DMXL1: variants seen among roughly 807,000 people sequenced by gnomAD.
DMXL1 encodes the protein Dmx like 1.
DMXL1 carries 99 observed loss-of-function variants against 319.2 expected under a neutral mutation model. The observed-to-expected ratio is 0.31, with a 90% CI of 0.26 to 0.37. The LOEUF is 0.37. DMXL1 is among the 10% of genes least tolerant of loss of function. The pLI is 1.00. For missense variants in DMXL1, 3,745 were observed against 3,595.6 expected, an observed-to-expected ratio of 1.04 and a Z score of -1.06; for synonymous variants, 1,385 against 1,235.2, an observed-to-expected ratio of 1.12 and a Z score of -2.54.
chr5:119,151,305 G>A (rs1214844605), intron 18 of DMXL1, among the ~76,000 whole-genome samples: 1 of 151,954 alleles, frequency 6.6e-6, no homozygotes, highest in African/African-American at 2.4e-5. Context: ...AACAAATTGA[G>A]CCTTGTAGAC....
chr5:119,105,053 ACTG>A, intron 3 of DMXL1, 124 bp from the exon 4 acceptor site: 1 of 634,612 alleles, frequency 1.6e-6, no homozygotes, highest in East Asian at 2.8e-5. Flanking sequence ...TGTTGACTGA[ACTG>A]AACATTTTGT....
chr5:119,235,613 A>G (rs1376110708), intron 39 of DMXL1, among the ~76,000 whole-genome samples: 1 of 152,166 alleles, frequency 6.6e-6, no homozygotes, highest in Non-Finnish European at 1.5e-5. Flanking sequence ...AGGGCCTACC[A>G]AGTATTGAGA....
intron 9 of DMXL1, 59 bp from the exon 10 acceptor site, chr5:119,129,152 T>C: frequency 9.9e-7 from 1 of 1,008,686 alleles, no homozygotes; most frequent in South Asian, 1.6e-5. Context: ...ATATGAAACA[T>C]GGATGTTTCA....
chr5:119,215,625 C>T (rs1391576951), intron 34 of DMXL1, among the ~76,000 whole-genome samples: 2 of 152,156 alleles, frequency 1.3e-5, no homozygotes, highest in Non-Finnish European at 2.9e-5. Flanking sequence ...AGCCACCACA[C>T]CTGACCTTAG....
chr5:119,122,103 C>A (rs1225098732), intron 9 of DMXL1, among the ~76,000 whole-genome samples: 7 of 141,728 alleles, frequency 4.9e-5, no homozygotes, highest in African/African-American at 1.8e-4. Context: ...CCCCCCACCT[C>A]CCTCCCGGAC....
At chr5:119,210,956 C>A (rs1263729243) in intron 34 of DMXL1, among the ~76,000 whole-genome samples, 9 of 147,578 alleles carry the variant, frequency 6.1e-5, no homozygotes, top group Admixed American at 6.7e-5. Flanking sequence ...TGCATTCCTA[C>A]TTTGTTAAGA....
intron 2 of DMXL1, among the ~76,000 whole-genome samples, chr5:119,099,118 T>C (rs146490026): frequency 5.9e-5 from 9 of 152,322 alleles, no homozygotes; most frequent in East Asian, 1.9e-4. Flanking sequence ...AGGCCTCTTA[T>C]GACTTCTCGC....
intron 28 of DMXL1, among the ~76,000 whole-genome samples, chr5:119,189,303 C>T (rs181356575): frequency 6.6e-6 from 1 of 152,036 alleles, no homozygotes; most frequent in East Asian, 1.9e-4. Context: ...ACATCATTAC[C>T]GAAGAATCTC....
intron 33 of DMXL1, among the ~76,000 whole-genome samples, chr5:119,203,972 G>A (rs1001294234): frequency 1.3e-5 from 2 of 151,772 alleles, no homozygotes; most frequent in Non-Finnish European, 2.9e-5. Flanking sequence ...ACAGGTGCCC[G>A]CCACCACGCC....
At chr5:119,099,886 A>G (rs922916994) in intron 2 of DMXL1, among the ~76,000 whole-genome samples, 23 of 152,132 alleles carry the variant, frequency 1.5e-4, no homozygotes, top group African/African-American at 5.6e-4. Context: ...CTGTAGTCCT[A>G]GCTACCCGGG....
At chr5:119,118,615 T>C (rs1330119854) in intron 7 of DMXL1, among the ~76,000 whole-genome samples, 200 bp from the exon 8 acceptor site, 1 of 152,152 alleles carries the variant, frequency 6.6e-6, no homozygotes, top group Non-Finnish European at 1.5e-5. Flanking sequence ...TTGGCAACAT[T>C]ATTGAAACAA....
intron 1 of DMXL1, among the ~76,000 whole-genome samples, chr5:119,082,214 C>T (rs1193915258): frequency 6.6e-6 from 1 of 152,060 alleles, no homozygotes; most frequent in African/African-American, 2.4e-5. Context: ...TGAGTTTAAA[C>T]AGTCATGCTA....
At position 119,247,284 on chromosome 5, in the gene DMXL1, G is replaced by A; in HGVS notation, c.*65G>A. 9.0e-7 allele frequency: 1 copy of A among 1,106,516 alleles called. No homozygotes were observed. The highest frequency in any genetic ancestry group is 1.3e-6 in the Non-Finnish European group (1 of 768,858). 68.5% of individuals were successfully genotyped at this position (1,106,516 alleles called of 1,614,324 possible). On this transcript the variant is annotated 3_prime_UTR_variant, in exon 44 of 44. Coordinates refer to ENST00000539542, the MANE Select transcript of DMXL1 (RefSeq NM_001290321.3). ...AAGTGGCCAACAGATATAATATACAGTGATCATTCTCTATGCCACAAATTA... is the reference window on the plus strand; with the variant it reads ...AAGTGGCCAACAGATATAATATACAATGATCATTCTCTATGCCACAAATTA...
intron 32 of DMXL1, among the ~76,000 whole-genome samples, chr5:119,202,961 G>A (rs1781095494): frequency 6.8e-6 from 1 of 146,026 alleles, no homozygotes; most frequent in African/African-American, 2.5e-5. Flanking sequence ...CATATAAGAT[G>A]TATATGAAAC....
chr5:119,170,828 G>A lies in DMXL1; in HGVS notation c.6037G>A (p.Glu2013Lys), dbSNP rs769167580. 1 of 1,611,710 alleles carries A rather than the reference G, an allele frequency of 6.2e-7. No individual in the cohort carries two copies. Among genetic ancestry groups the A allele is most frequent in the Admixed American group, 1.7e-5 (1 of 59,602 alleles). The change falls in exon 24 of 44, where the codon GAA becomes AAA. Residue 2013 changes from glutamate (E) to lysine (K), a missense_variant. Glu to Lys is a moderately conservative substitution (Grantham distance 56). This residue lies in a region of DMXL1 where 1,382 missense variants were observed against 1,269.5 expected (regional missense o/e 1.09). Transcript: ENST00000539542. ...CACAGAATCTTTCAGCACACTAGAT[G>A]AAAATGACCTTTTAAATCCATCAGA... ...NYTESFSTLD[E>K]NDLLNPSEDI...
intron 4 of DMXL1, among the ~76,000 whole-genome samples, chr5:119,106,366 C>T (rs533051519): frequency 1.1e-4 from 17 of 152,074 alleles, no homozygotes; most frequent in Non-Finnish European, 2.4e-4. Context: ...AAAGATATGG[C>T]AAAGTCATAT....
intron 1 of DMXL1, among the ~76,000 whole-genome samples, chr5:119,089,894 G>A (rs1322539609): frequency 6.6e-6 from 1 of 151,302 alleles, no homozygotes; most frequent in Non-Finnish European, 1.5e-5. Context: ...CCGAAGTGCT[G>A]GGATTACAGA....
chr5:119,135,566 G>C (rs1358699076), intron 13 of DMXL1, among the ~76,000 whole-genome samples: 1 of 152,158 alleles, frequency 6.6e-6, no homozygotes, highest in Non-Finnish European at 1.5e-5. Flanking sequence ...ATCTCATCTT[G>C]AATTATACTT....
chr5:119,175,155 C>T (rs1349129183), intron 25 of DMXL1, 106 bp from the exon 26 acceptor site: 1 of 719,416 alleles, frequency 1.4e-6, no homozygotes, highest in African/African-American at 1.8e-5. Context: ...GGCAAAGAAT[C>T]AAAAATTTTT....
Sources: gnomAD v4.1 joint callset for allele counts (sites outside exome capture counted in the v4.1 genomes callset) on GRCh38, gnomAD v4.1.1 for gene constraint, gnomAD v4.1.1 regional missense constraint, MANE v1.5 for transcripts, NCBI Gene and HGNC (gene_info 2026-07-23, HGNC 2026-07-21) for gene names.